The following WWOX variants were observed in gnomAD, a reference collection of about 807,000 sequenced individuals.
WWOX encodes WW domain containing oxidoreductase, also known as WW domain-containing oxidoreductase.
WWOX carries 69 observed loss-of-function variants against 46.2 expected under a neutral mutation model. That is an observed-to-expected ratio of 1.49 (90% CI 1.23 to 1.82). The LOEUF (loss-of-function observed/expected upper bound fraction) is 1.82. WWOX is among the 40% of genes most tolerant of loss of function. The probability of loss-of-function intolerance (pLI) is 0.00; values close to 1 mark genes in which losing one functional copy is unlikely to be tolerated. For missense variants in WWOX, 919 were observed against 542.6 expected, an observed-to-expected ratio of 1.69 and a Z score of -6.89; for synonymous variants, 359 against 202.6, an observed-to-expected ratio of 1.77 and a Z score of -6.56.
At chr16:78,997,036 G>A (rs62038661) in intron 8 of WWOX, among the ~76,000 whole-genome samples, 2 of 152,210 alleles carry the variant, frequency 1.3e-5, no homozygotes, top group African/African-American at 4.8e-5. Flanking sequence ...GCTGATAGTT[G>A]ATAGTGCTGC....
chr16:78,879,644 G>T (rs1396348596), intron 8 of WWOX, among the ~76,000 whole-genome samples: 3 of 152,136 alleles, frequency 2.0e-5, no homozygotes, highest in African/African-American at 7.2e-5. Flanking sequence ...TTGGGAGGCC[G>T]AGGCAGGCGG....
chr16:78,996,151 A>T (rs200490097), intron 8 of WWOX: 101 of 877,174 alleles, frequency 1.2e-4, no homozygotes, highest in African/African-American at 1.0e-3. Flanking sequence ...CTTTTTTTTA[A>T]TTTTTTTTTT....
At position 78,705,515 on chromosome 16, in the gene WWOX, G is replaced by A. The variant is rs143427078; in HGVS notation, c.1056+272763G>A. Among the ~76,000 whole-genome samples the A allele has an allele frequency of 1.5e-3, 221 of 152,280 alleles. 2 individuals are homozygous for A. The highest frequency in any genetic ancestry group is 5.1e-3 in the African/African-American group (210 of 41,554). The stretch of plus-strand genomic sequence containing the variant: ...AATCAAACCTCCCTTCGCCTCACAC[G>A]TTTGCTAATGTAAGAAGTGCTGGCT... On this transcript the variant is annotated intron_variant, in intron 8 of 8. Coordinates refer to ENST00000566780, the MANE Select transcript of WWOX (RefSeq NM_016373.4).
chr16:78,758,947 A>T (rs1002806198), intron 8 of WWOX, among the ~76,000 whole-genome samples: 1 of 151,886 alleles, frequency 6.6e-6, no homozygotes, highest in African/African-American at 2.4e-5. Flanking sequence ...CAAAAAAAAA[A>T]AAAACAAAAA....
chr16:78,758,842 A>T (rs528581259), intron 8 of WWOX, among the ~76,000 whole-genome samples: 1 of 151,996 alleles, frequency 6.6e-6, no homozygotes, highest in African/African-American at 2.4e-5. Flanking sequence ...TATTTGTATC[A>T]CTAACCATTT....
chr16:79,026,462 C>G (rs1243189050), intron 8 of WWOX, among the ~76,000 whole-genome samples: 1 of 151,658 alleles, frequency 6.6e-6, no homozygotes, highest in Non-Finnish European at 1.5e-5. Context: ...CTTCTCACAT[C>G]AGCTTGCAGT....
chr16:78,216,458 C>T (rs917608440), intron 5 of WWOX, among the ~76,000 whole-genome samples: 2 of 152,166 alleles, frequency 1.3e-5, no homozygotes, highest in African/African-American at 4.8e-5. Flanking sequence ...AGAAGTCCTA[C>T]AGGGTTCTCC....
At chr16:78,523,790 C>A (rs1434591025) in intron 8 of WWOX, among the ~76,000 whole-genome samples, 1 of 152,172 alleles carries the variant, frequency 6.6e-6, no homozygotes, top group Non-Finnish European at 1.5e-5. Flanking sequence ...CCCTGGGGGC[C>A]TCTGGAACAG....
intron 8 of WWOX, chr16:78,994,421 A>G (rs2046947769): frequency 6.6e-6 from 1 of 152,196 alleles, no homozygotes; most frequent in Admixed American, 6.5e-5. Flanking sequence ...TAATACTTGC[A>G]TTTTTATCGG....
chr16:79,184,279 A>G (rs902469225), intron 8 of WWOX, among the ~76,000 whole-genome samples: 36 of 152,270 alleles, frequency 2.4e-4, no homozygotes, highest in Non-Finnish European at 2.5e-4. Context: ...GAAGAGTCCA[A>G]TTTTCTTTGC....
chr16:78,811,804 A>G (rs930908804), intron 8 of WWOX, among the ~76,000 whole-genome samples: 1 of 152,194 alleles, frequency 6.6e-6, no homozygotes, highest in African/African-American at 2.4e-5. Flanking sequence ...GCTTTGACAT[A>G]TGAATGAGGG....
intron 8 of WWOX, among the ~76,000 whole-genome samples, chr16:78,640,225 GGTTT>G (rs2046671294): frequency 2.6e-5 from 3 of 116,450 alleles, no homozygotes; most frequent in Admixed American, 9.4e-5. Context: ...CTTGTTGTTG[GGTTT>G]TTTTTTTTTT....
chr16:78,955,267 A>T (rs1317260284), intron 8 of WWOX, among the ~76,000 whole-genome samples: 1 of 152,148 alleles, frequency 6.6e-6, no homozygotes, highest in Non-Finnish European at 1.5e-5. Flanking sequence ...ATGGACCTCC[A>T]CATGTCCCTC....
intron 8 of WWOX, among the ~76,000 whole-genome samples, chr16:78,693,814 C>T (rs780140180): frequency 6.6e-6 from 1 of 152,136 alleles, no homozygotes; most frequent in Non-Finnish European, 1.5e-5. Context: ...TGATTTCATT[C>T]TTCATGCTTG....
At chr16:79,125,463 G>A (rs756943605) in intron 8 of WWOX, among the ~76,000 whole-genome samples, 8 of 152,172 alleles carry the variant, frequency 5.3e-5, no homozygotes, top group Admixed American at 1.3e-4. Flanking sequence ...TCTTAATTAC[G>A]CTTTCTTTCA....
chr16:78,548,362 C>G (rs1268729662), intron 8 of WWOX, among the ~76,000 whole-genome samples: 2 of 151,718 alleles, frequency 1.3e-5, no homozygotes, highest in Non-Finnish European at 1.5e-5. Context: ...ATCCAGATTG[C>G]TTAGAAAATA....
intron 8 of WWOX, among the ~76,000 whole-genome samples, chr16:78,997,986 C>T (rs1044876618): frequency 1.1e-4 from 17 of 152,166 alleles, no homozygotes; most frequent in African/African-American, 2.7e-4. Context: ...AAGCGATTCT[C>T]CTGCCTCAGC....
chr16:78,433,938 C>T (rs957315212), intron 8 of WWOX, among the ~76,000 whole-genome samples: 6 of 151,518 alleles, frequency 4.0e-5, no homozygotes, highest in Non-Finnish European at 8.8e-5. Flanking sequence ...TACAGGCGCC[C>T]ACCACTATGC....
chr16:78,952,073 A>T (rs1307186137), intron 8 of WWOX, among the ~76,000 whole-genome samples: 1 of 152,058 alleles, frequency 6.6e-6, no homozygotes, highest in Non-Finnish European at 1.5e-5. Context: ...CATAACCTAC[A>T]ATCCCTCGAC....
Sources: allele counts gnomAD v4.1 joint callset (sites outside exome capture counted in the v4.1 genomes callset), GRCh38; gene constraint gnomAD v4.1.1; transcripts MANE v1.5; gene names NCBI Gene and HGNC (gene_info 2026-07-23, HGNC 2026-07-21).